The following ATG10 variants were observed in gnomAD, a reference collection of about 807,000 sequenced individuals.
The protein encoded by ATG10 is ubiquitin-like-conjugating enzyme ATG10.
In ATG10, 30 loss-of-function variants were observed where a neutral mutation model predicts 32.1. That is an observed-to-expected ratio of 0.94 (90% CI 0.70 to 1.27). ATG10 has a LOEUF of 1.27. Among genes scored for constraint, ATG10 ranks in the 50% most tolerant of loss-of-function variants. The pLI is 0.00. For missense variants in ATG10, 233 were observed against 262.3 expected, an observed-to-expected ratio of 0.89 and a Z score of 0.77; for synonymous variants, 87 against 91.5, an observed-to-expected ratio of 0.95 and a Z score of 0.28.
intron 2 of ATG10, chr5:82,010,188 CAGA>C: frequency 2.0e-6 from 2 of 1,022,556 alleles, no homozygotes; most frequent in South Asian, 3.0e-5. Context: ...TTTCCAAGTA[CAGA>C]CAAAATTCTG....
At chr5:82,225,208 G>C (rs1186570757) in intron 5 of ATG10, among the ~76,000 whole-genome samples, 1 of 152,138 alleles carries the variant, frequency 6.6e-6, no homozygotes, top group East Asian at 1.9e-4. Context: ...TCAGTGCAAA[G>C]TAGTTTGGGT....
At chr5:82,091,422 TACTC>T (rs1764881049) in intron 3 of ATG10, among the ~76,000 whole-genome samples, 1 of 152,108 alleles carries the variant, frequency 6.6e-6, no homozygotes, top group African/African-American at 2.4e-5. Context: ...GGCTTCATGA[TACTC>T]ATAGGGGAAA....
At chr5:82,064,644 A>G (rs1191448026) in intron 3 of ATG10, among the ~76,000 whole-genome samples, 2 of 152,120 alleles carry the variant, frequency 1.3e-5, no homozygotes, top group East Asian at 1.9e-4. Flanking sequence ...AATTACTTCT[A>G]TTACATACCA....
intron 5 of ATG10, among the ~76,000 whole-genome samples, chr5:82,184,906 TC>T (rs1292991124): frequency 6.6e-6 from 1 of 152,220 alleles, no homozygotes; most frequent in East Asian, 1.9e-4. Context: ...CAGGTGGCTG[TC>T]TGCAGTCCTT....
chr5:82,164,228 C>T (rs1434000273), intron 3 of ATG10, among the ~76,000 whole-genome samples, 171 bp from the exon 4 acceptor site: 1 of 152,046 alleles, frequency 6.6e-6, no homozygotes, highest in African/African-American at 2.4e-5. Context: ...TTACTATTTA[C>T]CCAGGACTCA....
chr5:82,245,311 T>G (rs1228662130), intron 5 of ATG10, among the ~76,000 whole-genome samples: 1 of 152,216 alleles, frequency 6.6e-6, no homozygotes, highest in Non-Finnish European at 1.5e-5. Flanking sequence ...GCATAAGCCT[T>G]ACAAAATCTC....
chr5:82,138,626 T>C (rs908674987), intron 3 of ATG10, among the ~76,000 whole-genome samples: 1 of 152,150 alleles, frequency 6.6e-6, no homozygotes, highest in Non-Finnish European at 1.5e-5. Context: ...GCCTATTGCG[T>C]TGGTCTTGCT....
intron 2 of ATG10, among the ~76,000 whole-genome samples, chr5:81,989,301 A>G (rs1207217527): frequency 1.3e-5 from 2 of 152,202 alleles, no homozygotes; most frequent in Admixed American, 6.5e-5. Context: ...TGGATTTCCT[A>G]TGATTCAGAA....
At chr5:82,085,805 A>AT (rs1177951161) in intron 3 of ATG10, among the ~76,000 whole-genome samples, 1 of 152,076 alleles carries the variant, frequency 6.6e-6, no homozygotes, top group African/African-American at 2.4e-5. Flanking sequence ...AGGTTTTTCT[A>AT]TTTTTATTGA....
intron 2 of ATG10, among the ~76,000 whole-genome samples, chr5:82,057,547 G>T (rs899891090): frequency 2.6e-5 from 4 of 152,134 alleles, no homozygotes; most frequent in African/African-American, 7.2e-5. Flanking sequence ...CTTATAGGAA[G>T]ATTAACCCCT....
At chr5:82,086,650 C>G (rs954275971) in intron 3 of ATG10, among the ~76,000 whole-genome samples, 2 of 152,140 alleles carry the variant, frequency 1.3e-5, no homozygotes, top group African/African-American at 4.8e-5. Context: ...TTCTTATAAC[C>G]TGTCCTTGGA....
At chr5:82,122,678 C>A (rs1364194630) in intron 3 of ATG10, among the ~76,000 whole-genome samples, 1 of 152,106 alleles carries the variant, frequency 6.6e-6, no homozygotes. Context: ...GAAAAACAAT[C>A]CCGTTAAAAA....
At chr5:82,114,352 C>T (rs1765712429) in intron 3 of ATG10, among the ~76,000 whole-genome samples, 1 of 151,926 alleles carries the variant, frequency 6.6e-6, no homozygotes, top group Non-Finnish European at 1.5e-5. Context: ...AGAAATGAGA[C>T]ATGTTTCCAA....
rs1315178257 is a variant in ATG10, at chr5:81,982,735, A to G, written c.-12-4824A>G. On this transcript the variant is annotated intron_variant, in intron 1 of 7. Transcript: ENST00000282185. The stretch of plus-strand genomic sequence containing the variant: ...GCCTTCCGCAGTGTTTGTGTCCCTG[A>G]TTACTTGAGATTAGGGAGTGGTGAT... 1.1e-3 allele frequency among the ~76,000 whole-genome samples: 169 copies of G among 152,242 alleles called. 1 individual carries two copies. Among genetic ancestry groups the G allele is most frequent in the Admixed American group, 2.2e-3 (34 of 15,274 alleles).
At chr5:82,141,885 C>T (rs750359521) in intron 3 of ATG10, among the ~76,000 whole-genome samples, 5 of 152,170 alleles carry the variant, frequency 3.3e-5, no homozygotes, top group East Asian at 1.9e-4. Flanking sequence ...GTGGGATAGC[C>T]TCCCTCATAT....
At chr5:81,976,554 C>T (rs1760881783) in intron 1 of ATG10, among the ~76,000 whole-genome samples, 1 of 152,206 alleles carries the variant, frequency 6.6e-6, no homozygotes, top group South Asian at 2.1e-4. Context: ...AAACCATCAA[C>T]TAACCTCTAA....
rs575093541 is a variant in ATG10, at chr5:82,173,472, T to C, written c.356-5018T>C. On this transcript the variant is annotated intron_variant, in intron 4 of 7. Coordinates refer to ENST00000282185, the MANE Select transcript of ATG10 (RefSeq NM_031482.5). ...TCTCTTCTTCTTTTGTCATTGACAC[T>C]TTAGATTACTGACAGAACATTCCAT... Among the ~76,000 whole-genome samples the C allele has an allele frequency of 5.3e-5, 8 of 152,322 alleles. No homozygotes were observed. In the East Asian group the frequency reaches 1.5e-3, roughly 29 times the overall value.
chr5:82,053,179 A>G (rs981514918), intron 2 of ATG10, among the ~76,000 whole-genome samples: 2 of 152,138 alleles, frequency 1.3e-5, no homozygotes, highest in Admixed American at 1.3e-4. Context: ...ATCTTTGCCA[A>G]TCTGATAGGT....
intron 5 of ATG10, among the ~76,000 whole-genome samples, chr5:82,229,255 C>T (rs1193758575): frequency 6.6e-6 from 1 of 152,124 alleles, no homozygotes; most frequent in Non-Finnish European, 1.5e-5. Flanking sequence ...GCAGCTGTTA[C>T]AGTACTGGAG....
Sources: gnomAD v4.1 joint callset for allele counts (sites outside exome capture counted in the v4.1 genomes callset) on GRCh38, gnomAD v4.1.1 for gene constraint, MANE v1.5 for transcripts, NCBI Gene and HGNC (gene_info 2026-07-23, HGNC 2026-07-21) for gene names.